The following CASKIN1 variants were observed in gnomAD, a reference collection of about 807,000 sequenced individuals.
CASKIN1 encodes the protein CASK interacting protein 1, also known as caskin-1.
Under a neutral mutation model 117.5 loss-of-function variants are expected in CASKIN1, and 42 were observed. That is an observed-to-expected ratio of 0.36 (90% CI 0.28 to 0.46). The LOEUF (loss-of-function observed/expected upper bound fraction) is 0.46, where lower values mean the gene tolerates loss of function less well. Ranked by LOEUF, CASKIN1 falls within the 20% of genes least tolerant of loss-of-function variation. The pLI, the probability that CASKIN1 is intolerant of heterozygous loss-of-function variation, is 1.00. For synonymous variants in CASKIN1, 1,148 were observed against 961.7 expected (o/e 1.19, Z -3.59); for missense variants, 2,083 against 2,077.3 (o/e 1.00, Z -0.05).
chr16:2,180,219 T>G lies in CASKIN1; in HGVS notation c.3149A>C (p.Lys1050Thr). Residue 1050 changes from lysine (K) to threonine (T), a missense_variant, in exon 18 of 20, where the codon AAA becomes ACA. By Grantham distance (78) the Lys-to-Thr change is moderately conservative. Coordinates refer to ENST00000343516, the MANE Select transcript of CASKIN1 (RefSeq NM_020764.4). The stretch of plus-strand genomic sequence containing the variant: ...CTCCCCGCCAGGCCCGATGGCCTCT[T>G]TGTGTTTCACTGAGGCCAGCACGGT... The part of the protein sequence containing the change: ...VATVLASVKH[K>T]EAIGPGGEVV... 1 of 1,550,964 alleles carries G rather than the reference T, an allele frequency of 6.4e-7. No homozygotes were observed. The highest frequency in any genetic ancestry group is 8.7e-7 in the Non-Finnish European group (1 of 1,148,088).
chr16:2,179,766 G>A lies in CASKIN1; in HGVS notation c.3602C>T (p.Pro1201Leu), dbSNP rs753344007. 3 of 1,566,474 alleles carry A rather than the reference G, an allele frequency of 1.9e-6. No homozygotes were observed. The highest frequency in any genetic ancestry group is 2.3e-5 in the East Asian group (1 of 42,780). The change falls in exon 18 of 20, where the codon CCG becomes CTG. Residue 1201 changes from proline (P) to leucine (L), a missense_variant. Physicochemically the swap from Pro to Leu is moderately conservative, Grantham distance 98. Coordinates refer to ENST00000343516, the MANE Select transcript of CASKIN1 (RefSeq NM_020764.4). The surrounding 1 kb of genome is among the most constrained non-coding windows in gnomAD (Gnocchi z 5.8). ...GGGTAGGTGCGCCAGGTCGGTGGGC[G>A]GGGGTTCGGCAGGCGGGGGCGGTGG... ...LPPPPPPAEPPPTDLAHLPPL... is the reference protein window; with the variant it reads ...LPPPPPPAEPLPTDLAHLPPL...
intron 1 of CASKIN1, among the ~76,000 whole-genome samples, chr16:2,193,965 G>A (rs2141330894): frequency 6.6e-6 from 1 of 152,306 alleles, no homozygotes; most frequent in Non-Finnish European, 1.5e-5. Flanking sequence ...ATGGCTGGAG[G>A]GGGCCGGGGC....
Position 2,190,119 on chromosome 16 carries a change from G to A in CASKIN1, c.198C>T (p.Ser66=), listed in dbSNP as rs746187410. Residue 66 remains serine, a synonymous_variant, in exon 3 of 20, where the codon AGC becomes AGT. Transcript: ENST00000343516. Reference sequence around the variant, plus strand: ...CAGCGGCCTGGGCCTCCAGCAGCAGGCTGATCAATTCCGTGTTGCCGTTCA... The same window carrying A: ...CAGCGGCCTGGGCCTCCAGCAGCAGACTGATCAATTCCGTGTTGCCGTTCA... ...AALNGNTELI[S]LLLEAQAAVD... The A allele has an allele frequency of 1.2e-6, 2 of 1,612,932 alleles. No homozygotes were observed. Among genetic ancestry groups the A allele is most frequent in the African/African-American group, 1.3e-5 (1 of 74,944 alleles).
rs1455978991 is a variant in CASKIN1, at chr16:2,180,384, G to A, written c.2984C>T (p.Thr995Met). The A allele has an allele frequency of 1.1e-5, 18 of 1,588,618 alleles. No individual in the cohort carries two copies. The highest frequency in any genetic ancestry group is 6.8e-5 in the Admixed American group (4 of 58,806). The change falls in exon 18 of 20, where the codon ACG becomes ATG. Residue 995 changes from threonine to methionine, a missense_variant. Around this residue, in one of 3 missense-constraint regions of CASKIN1, gnomAD observed 1,818 missense variants for 1,688.9 expected, o/e 1.08. Transcript: ENST00000343516. ...GCTCTTCACACTGCCGGCACTACCC[G>A]TGTCCACGCTGCCGGCCAGGTCACT... Reference protein sequence around the residue: ...RASDLAGSVDTGSAGSVKSIA... With the variant: ...RASDLAGSVDMGSAGSVKSIA...
chr16:2,185,308 T>G lies in CASKIN1; in HGVS notation c.1149A>C (p.Ala383=), dbSNP rs761912626. The change falls in exon 11 of 20, where the codon GCA becomes GCC. Residue 383 remains alanine, a splice_region_variant and synonymous_variant. Transcript: ENST00000343516. ...EEIWVLRKPF[A]GGDRSGSISG... Reference sequence around the variant, plus strand: ...CTGCCCTTCAGGGACCCAGCCTACCTGCAAAAGGCTTCCTCAGCACCCAGA... The same window carrying G: ...CTGCCCTTCAGGGACCCAGCCTACCGGCAAAAGGCTTCCTCAGCACCCAGA... 6.3e-7 allele frequency: 1 copy of G among 1,595,232 alleles called. No homozygotes were observed. Among genetic ancestry groups the G allele is most frequent in the Non-Finnish European group, 8.6e-7 (1 of 1,167,068 alleles).
intron 14 of CASKIN1, among the ~76,000 whole-genome samples, chr16:2,184,338 G>A (rs555304113): frequency 6.6e-6 from 1 of 152,114 alleles, no homozygotes; most frequent in African/African-American, 2.4e-5. Context: ...CCGGAAGGTG[G>A]GCTCTGTGCC....
Position 2,190,121 on chromosome 16 carries a change from T to C in CASKIN1, c.196A>G (p.Ser66Gly). The C allele has an allele frequency of 6.2e-7, 1 of 1,612,962 alleles. No homozygotes were observed. The highest frequency in any genetic ancestry group is 8.5e-7 in the Non-Finnish European group (1 of 1,179,892). ...AALNGNTELI[S>G]LLLEAQAAVD... Reference sequence around the variant, plus strand: ...GCGGCCTGGGCCTCCAGCAGCAGGCTGATCAATTCCGTGTTGCCGTTCAGG... The same window carrying C: ...GCGGCCTGGGCCTCCAGCAGCAGGCCGATCAATTCCGTGTTGCCGTTCAGG... The change falls in exon 3 of 20, where the codon AGC (serine) becomes GGC (glycine). Residue 66 changes from serine (S) to glycine (G), a missense_variant. By Grantham distance (56) the Ser-to-Gly change is moderately conservative. Coordinates refer to ENST00000343516, the MANE Select transcript of CASKIN1 (RefSeq NM_020764.4).
Position 2,189,643 on chromosome 16 carries a change from ACCC to A in CASKIN1, c.245-82_245-80del, listed in dbSNP as rs2093195277. 71 of 1,448,036 alleles carry A rather than the reference ACCC, an allele frequency of 4.9e-5. No homozygotes were observed. The South Asian group carries it at 8.8e-4, about 18-fold the overall frequency. 89.7% of individuals were successfully genotyped at this position (1,448,036 alleles called of 1,614,324 possible). On this transcript the variant is annotated intron_variant, in intron 3 of 19. Transcript: ENST00000343516. ...GAGGATAGGGGGGTGCTGGGACCTG[ACCC>A]CTGACCCCAAGTCCAACCCTGGGGG...
Position 2,187,415 on chromosome 16 carries a change from C to A in CASKIN1, c.664G>T (p.Gly222Cys). 1 of 1,610,608 alleles carries A rather than the reference C, an allele frequency of 6.2e-7. No individual in the cohort carries two copies. Among genetic ancestry groups the A allele is most frequent in the Non-Finnish European group, 8.5e-7 (1 of 1,179,820 alleles). The change falls in exon 7 of 20, where the codon GGC (glycine) becomes TGC (cysteine). Residue 222 changes from glycine (G) to cysteine (C), a missense_variant. Coordinates refer to ENST00000343516, the MANE Select transcript of CASKIN1 (RefSeq NM_020764.4). ...AGCGCAGCCTCGTGCAGGGCCGTGC[C>A]GGACTTGGTCTGGCGGTTAATGTCG... ...GIDINRQTKS[G>C]TALHEAALCG...
At position 2,180,442 on chromosome 16, in the gene CASKIN1, G is replaced by C. The variant is rs1448298819; in HGVS notation, c.2926C>G (p.Leu976Val). The C allele has an allele frequency of 3.8e-6, 6 of 1,563,828 alleles. No homozygotes were observed. The highest frequency in any genetic ancestry group is 1.8e-5 in the Admixed American group (1 of 54,876). ...CGGCACTGTGCCCGGACCCCCAGCAGGCCATCCTCAGGCTCGGCGTCAGGC... is the reference window on the plus strand; with the variant it reads ...CGGCACTGTGCCCGGACCCCCAGCACGCCATCCTCAGGCTCGGCGTCAGGC... ...PVPDAEPEDG[L>V]LGVRAQCRRA... Residue 976 changes from leucine to valine, a missense_variant, in exon 18 of 20, where the codon CTG becomes GTG. Physicochemically the swap from Leu to Val is conservative, Grantham distance 32. Around this residue, in one of 3 missense-constraint regions of CASKIN1, gnomAD observed 1,818 missense variants for 1,688.9 expected, o/e 1.08. Coordinates refer to ENST00000343516, the MANE Select transcript of CASKIN1 (RefSeq NM_020764.4).
In CASKIN1 at chr16:2,180,711, T is replaced by C. The variant is rs1319955769; in HGVS notation, c.2657A>G (p.Tyr886Cys). The C allele has an allele frequency of 4.1e-6, 6 of 1,479,334 alleles. No individual in the cohort carries two copies. Among genetic ancestry groups the C allele is most frequent in the South Asian group, 1.3e-5 (1 of 75,116 alleles). The allele number at this position is 1,479,334 out of a possible 1,614,324, so 91.6% of individuals were successfully genotyped here. A position where few individuals can be genotyped will look rare whatever the true frequency, so the allele number is the denominator to read the frequency against. ...PKKRAHSLNR[Y>C]AASDSEPERD... is the part of the protein sequence containing the mutation. ...CTCCGGCTCGCTGTCGGACGCCGCA[T>C]AGCGATTCAGGCTGTGGGCCCGCTT... The change falls in exon 18 of 20, where the codon TAT becomes TGT. Residue 886 changes from tyrosine to cysteine, a missense_variant. Coordinates refer to ENST00000343516, the MANE Select transcript of CASKIN1 (RefSeq NM_020764.4).
In CASKIN1 at chr16:2,185,354, G is replaced by T; in HGVS notation, c.1103C>A (p.Pro368His). The change falls in exon 11 of 20, where the codon CCC becomes CAC. Residue 368 changes from proline to histidine, a missense_variant. Coordinates refer to ENST00000343516, the MANE Select transcript of CASKIN1 (RefSeq NM_020764.4). ...CCAGATCTCCTCTGGGGGTGCAGAG[G>T]GTCCCGATGAGCTGCTTCCCTGGGG... ...SLPQGSSSSG[P>H]SAPPEEIWVL... 2 of 1,611,380 alleles carry T rather than the reference G, an allele frequency of 1.2e-6. No homozygotes were observed. The highest frequency in any genetic ancestry group is 1.7e-6 in the Non-Finnish European group (2 of 1,178,606).
Position 2,179,800 on chromosome 16 carries a change from C to G in CASKIN1, c.3568G>C (p.Glu1190Gln). The change falls in exon 18 of 20, where the codon GAG (glutamate) becomes CAG (glutamine). Residue 1190 changes from glutamate (E) to glutamine (Q), a missense_variant. By Grantham distance (29) the Glu-to-Gln change is conservative. Coordinates refer to ENST00000343516, the MANE Select transcript of CASKIN1 (RefSeq NM_020764.4). This position sits in a 1 kb window ranked among gnomAD's most constrained non-coding sequence, Gnocchi z 5.8. ...RPASEQAGPP[E>Q]LPPPPPPAEP... ...GCAGGCGGGGGCGGTGGAGGCAGCT[C>G]CGGAGGCCCAGCCTGCTCCGAGGCC... The G allele has an allele frequency of 1.3e-6, 2 of 1,577,128 alleles. No individual in the cohort carries two copies. The highest frequency in any genetic ancestry group is 1.7e-6 in the Non-Finnish European group (2 of 1,164,898).
intron 1 of CASKIN1, among the ~76,000 whole-genome samples, chr16:2,191,208 C>A (rs1230116938): frequency 6.6e-6 from 1 of 152,196 alleles, no homozygotes; most frequent in Admixed American, 6.5e-5. Context: ...AGGACAGAAG[C>A]CCCTTTGTCC....
At position 2,179,466 on chromosome 16, in the gene CASKIN1, T is replaced by A. The variant is rs2093158740; in HGVS notation, c.3775+127A>T. 1 of 1,383,500 alleles carries A rather than the reference T, an allele frequency of 7.2e-7. No homozygotes were observed. Among genetic ancestry groups the A allele is most frequent in the African/African-American group, 1.5e-5 (1 of 65,646 alleles). 85.7% of individuals were successfully genotyped at this position (1,383,500 alleles called of 1,614,324 possible). A position where few individuals can be genotyped will look rare whatever the true frequency, so the allele number is the denominator to read the frequency against. On this transcript the variant is annotated intron_variant, in intron 18 of 19. Coordinates refer to ENST00000343516, the MANE Select transcript of CASKIN1 (RefSeq NM_020764.4). This position sits in a 1 kb window ranked among gnomAD's most constrained non-coding sequence, Gnocchi z 5.8. ...CCCCAGCCCTGGATGGATGAGAGGG[T>A]CTGGGGACACGTTCCCACCCCACCT...
In CASKIN1 at chr16:2,186,987, G is replaced by A; in HGVS notation, c.921C>T (p.Asp307=). Reference sequence around the variant, plus strand: ...CTGGGGCCATGCTTACTGTGATGATGTCCCCTGCCTTCACGTTGAGGCTGG... The same window carrying A: ...CTGGGGCCATGCTTACTGTGATGATATCCCCTGCCTTCACGTTGAGGCTGG... The part of the protein sequence containing the change: ...DLTSLNVKAG[D]IITVLEQHPD... The change falls in exon 9 of 20, where the codon GAC becomes GAT. Residue 307 remains aspartate (D), a synonymous_variant. Transcript: ENST00000343516. 6.2e-7 allele frequency: 1 copy of A among 1,613,780 alleles called. No homozygotes were observed. Among genetic ancestry groups the A allele is most frequent in the Non-Finnish European group, 8.5e-7 (1 of 1,179,904 alleles).
At chr16:2,194,069 C>T (rs548092259) in intron 1 of CASKIN1, among the ~76,000 whole-genome samples, 1 of 152,322 alleles carries the variant, frequency 6.6e-6, no homozygotes, top group South Asian at 2.1e-4. Flanking sequence ...GACCAGCCCT[C>T]TCACTGCTAT....
Position 2,185,360 on chromosome 16 carries a change from G to C in CASKIN1, c.1097C>G (p.Ser366Trp), listed in dbSNP as rs549109076. 6 of 1,611,488 alleles carry C rather than the reference G, an allele frequency of 3.7e-6. No homozygotes were observed. The highest frequency in any genetic ancestry group is 4.2e-6 in the Non-Finnish European group (5 of 1,178,808). ...EPSLPQGSSS[S>W]GPSAPPEEIW... ...CTCCTCTGGGGGTGCAGAGGGTCCC[G>C]ATGAGCTGCTTCCCTGGGGCAGGCT... The change falls in exon 11 of 20, where the codon TCG (serine) becomes TGG (tryptophan). Residue 366 changes from serine (S) to tryptophan (W), a missense_variant. Ser to Trp is a radical substitution (Grantham distance 177, BLOSUM62 -3). Transcript: ENST00000343516.
intron 9 of CASKIN1, 59 bp downstream of exon 9, chr16:2,186,919 G>T (rs1370728434): frequency 6.7e-5 from 108 of 1,603,178 alleles, no homozygotes; most frequent in Non-Finnish European, 3.4e-6. Context: ...GTGTTCTGGG[G>T]TGCGCACGCC....
Sources: gnomAD v4.1 joint callset for allele counts (sites outside exome capture counted in the v4.1 genomes callset) on GRCh38, gnomAD v4.1.1 for gene constraint, gnomAD v4.1.1 regional missense constraint, Gnocchi (gnomAD v3.1) non-coding constraint, MANE v1.5 for transcripts, NCBI Gene and HGNC (gene_info 2026-07-23, HGNC 2026-07-21) for gene names.